Variants in CCDC93 observed in about 807,000 individuals in gnomAD.
CCDC93 encodes the protein coiled-coil domain-containing protein 93.
A neutral mutation model predicts 108.2 loss-of-function variants in CCDC93; 61 were observed. The ratio of observed to expected loss-of-function variants is 0.56; its 90% confidence interval spans 0.46 to 0.70. The LOEUF (loss-of-function observed/expected upper bound fraction) is 0.70, where lower values mean the gene tolerates loss of function less well. Ranked by LOEUF, CCDC93 falls within the 30% of genes least tolerant of loss-of-function variation. CCDC93 has a pLI of 0.00. For synonymous variants in CCDC93, 276 were observed against 260.4 expected (o/e 1.06, Z -0.58); for missense variants, 685 against 764.2 (o/e 0.90, Z 1.22).
At chr2:117,947,888 G>A (rs1038706980) in intron 15 of CCDC93, 5 of 409,232 alleles carry the variant, frequency 1.2e-5, no homozygotes, top group Non-Finnish European at 2.2e-5. Context: ...TAGAGACGGG[G>A]TTTCACAGTG....
intron 14 of CCDC93, among the ~76,000 whole-genome samples, chr2:117,948,421 C>T (rs765743492): frequency 4.6e-5 from 7 of 152,140 alleles, no homozygotes; most frequent in African/African-American, 7.2e-5. Flanking sequence ...ACAGATTCCA[C>T]AATTAAAATG....
intron 6 of CCDC93, 162 bp downstream of exon 6, chr2:117,995,284 G>C: frequency 4.5e-6 from 3 of 669,332 alleles, no homozygotes; most frequent in Middle Eastern, 4.0e-4. Flanking sequence ...TCCTGGCCCT[G>C]AGCAGTAAAG....
At chr2:117,924,904 C>T (rs1208000623) in intron 23 of CCDC93, among the ~76,000 whole-genome samples, 1 of 152,212 alleles carries the variant, frequency 6.6e-6, no homozygotes, top group African/African-American at 2.4e-5. Flanking sequence ...CAAAGGGAAG[C>T]CCATCAGACT....
At chr2:117,927,341 G>A (rs565211408) in intron 23 of CCDC93, among the ~76,000 whole-genome samples, 1 of 152,054 alleles carries the variant, frequency 6.6e-6, no homozygotes, top group Non-Finnish European at 1.5e-5. Context: ...TCCCTGTTTG[G>A]AGATGACATG....
chr2:117,962,100 G>C (rs1679414856), intron 11 of CCDC93, among the ~76,000 whole-genome samples: 1 of 152,070 alleles, frequency 6.6e-6, no homozygotes, highest in South Asian at 2.1e-4. Context: ...AGTTCAAAAT[G>C]GTAAATTCCC....
At chr2:117,927,799 C>T (rs1019021703) in intron 23 of CCDC93, among the ~76,000 whole-genome samples, 1 of 152,142 alleles carries the variant, frequency 6.6e-6, no homozygotes, top group Non-Finnish European at 1.5e-5. Context: ...CCCCCAATGC[C>T]AAGTCAATCC....
rs758549711 is a variant in CCDC93 at position 117,916,974 on chromosome 2, T to G, written c.*3369A>C. 6.6e-6 allele frequency: 1 copy of G among 152,206 alleles called. No individual in the cohort carries two copies. The highest frequency in any genetic ancestry group is 2.1e-4 in the South Asian group (1 of 4,822). The allele number at this position is 152,206 out of a possible 1,614,324, so 9.4% of individuals were successfully genotyped here. A position where few individuals can be genotyped will look rare whatever the true frequency, so the allele number is the denominator to read the frequency against. On this transcript the variant is annotated 3_prime_UTR_variant, in exon 24 of 24. Transcript: ENST00000376300. The stretch of plus-strand genomic sequence containing the variant: ...GGGCTCTTTATTGTACTGTTCTGCA[T>G]TAAGATGTTCTTTTACTTTGAGGCC...
chr2:117,973,415 A>G (rs1171776747), intron 11 of CCDC93, among the ~76,000 whole-genome samples: 1 of 7,130 alleles, frequency 1.4e-4, no homozygotes, highest in African/African-American at 2.7e-4. Flanking sequence ...CTTAGGATGG[A>G]AAAAAAAAAA....
intron 15 of CCDC93, among the ~76,000 whole-genome samples, chr2:117,947,670 C>T (rs1255250823): frequency 6.7e-6 from 1 of 148,940 alleles, no homozygotes; most frequent in Non-Finnish European, 1.5e-5. Context: ...ATACAACTGA[C>T]AAATAACTGC....
Position 117,916,884 on chromosome 2 carries a change from C to G in CCDC93, c.*3459G>C, listed in dbSNP as rs1034532731. 6.6e-6 allele frequency: 1 copy of G among 152,218 alleles called. No individual in the cohort carries two copies. The highest frequency in any genetic ancestry group is 6.5e-5 in the Admixed American group (1 of 15,274). The allele number at this position is 152,218 out of a possible 1,614,324, so 9.4% of individuals were successfully genotyped here. A position where few individuals can be genotyped will look rare whatever the true frequency, so the allele number is the denominator to read the frequency against. Reference sequence around the variant, plus strand: ...GAGGGCCTGGGGGATTCTGAAGATGCACAGAACAAGGCACTTTCCTTGGCA... The same window carrying G: ...GAGGGCCTGGGGGATTCTGAAGATGGACAGAACAAGGCACTTTCCTTGGCA... On this transcript the variant is annotated 3_prime_UTR_variant, in exon 24 of 24. Transcript: ENST00000376300.
intron 13 of CCDC93, chr2:117,950,105 C>T (rs934041103): frequency 2.0e-6 from 2 of 985,420 alleles, no homozygotes; most frequent in Non-Finnish European, 2.4e-6. Flanking sequence ...ACCGGCTGAT[C>T]TCAGCAAACA....
At chr2:118,000,217 G>C (rs17584786) in intron 4 of CCDC93, 8,554 of 152,476 alleles carry the variant, frequency 0.056, 296 homozygotes, top group Non-Finnish European at 0.082. Context: ...ACTGCTGTAA[G>C]ATTCTGGTGA....
chr2:117,962,172 C>G (rs1679417830), intron 11 of CCDC93, among the ~76,000 whole-genome samples: 1 of 152,108 alleles, frequency 6.6e-6, no homozygotes, highest in South Asian at 2.1e-4. Flanking sequence ...GAAAGAAACC[C>G]AAAAGGTTAT....
chr2:117,970,379 T>C (rs940392554), intron 11 of CCDC93, among the ~76,000 whole-genome samples: 3 of 151,510 alleles, frequency 2.0e-5, no homozygotes, highest in Non-Finnish European at 2.9e-5. Flanking sequence ...ACATAATTAA[T>C]AAAAGACCAG....
At chr2:117,986,273 T>C (rs1573514995) in intron 6 of CCDC93, among the ~76,000 whole-genome samples, 2 of 151,398 alleles carry the variant, frequency 1.3e-5, no homozygotes, top group African/African-American at 4.9e-5. Context: ...GTGGGGTATA[T>C]TTTAAAATTA....
intron 3 of CCDC93, among the ~76,000 whole-genome samples, chr2:118,001,604 G>A (rs1382142543): frequency 6.6e-6 from 1 of 151,998 alleles, no homozygotes; most frequent in Non-Finnish European, 1.5e-5. Flanking sequence ...CTAACACCTC[G>A]CCTCAGTCTT....
chr2:117,921,236 A>G (rs1410248720), intron 23 of CCDC93, among the ~76,000 whole-genome samples: 1 of 151,986 alleles, frequency 6.6e-6, no homozygotes, highest in Non-Finnish European at 1.5e-5. Flanking sequence ...TATGAAATCA[A>G]TGGCACGTGC....
rs147959653 is a variant in CCDC93 at position 117,941,293 on chromosome 2, C to G, written c.1418G>C (p.Arg473Pro). The G allele has an allele frequency of 3.7e-6, 6 of 1,613,136 alleles. No individual in the cohort carries two copies. Among genetic ancestry groups the G allele is most frequent in the Admixed American group, 1.7e-5 (1 of 60,008 alleles). Residue 473 changes from arginine (R) to proline (P), a missense_variant, in exon 19 of 24, where the codon CGA (arginine) becomes CCA (proline). Arg to Pro is a moderately radical substitution (Grantham distance 103). Transcript: ENST00000376300. ...KLYKIRLLQA[R>P]RNREIAILHR... ...CAAAATTGCTATTTCTCGATTTCTT[C>G]GAGCCTAAATGCAAAAGGGAGACAG...
intron 19 of CCDC93, 59 bp from the exon 20 acceptor site, chr2:117,939,170 C>G (rs1678619251): frequency 1.0e-6 from 1 of 1,003,058 alleles, no homozygotes; most frequent in Non-Finnish European, 1.6e-6. Flanking sequence ...ACCCTACCTG[C>G]CCCTCTCCTC....
Sources: gnomAD v4.1 joint callset for allele counts (sites outside exome capture counted in the v4.1 genomes callset) on GRCh38, gnomAD v4.1.1 for gene constraint, MANE v1.5 for transcripts, NCBI Gene and HGNC (gene_info 2026-07-23, HGNC 2026-07-21) for gene names.